The following CFAP47 variants were observed in gnomAD, a reference collection of about 807,000 sequenced individuals.
CFAP47 encodes the protein cilia- and flagella-associated protein 47.
CFAP47 carries 29 observed loss-of-function variants against 148.1 expected under a neutral mutation model. The ratio of observed to expected loss-of-function variants is 0.20; its 90% CI spans 0.15 to 0.27. The LOEUF (loss-of-function observed/expected upper bound fraction) is 0.27, where lower values mean the gene tolerates loss of function less well. Among genes scored for constraint, CFAP47 ranks in the 10% least tolerant of loss-of-function variants. The pLI, the probability that CFAP47 is intolerant of heterozygous loss-of-function variation, is 1.00. For missense variants in CFAP47, 1,872 were observed against 1,697.5 expected, an observed-to-expected ratio of 1.10 and a Z score of -1.81; for synonymous variants, 664 against 577.3, an observed-to-expected ratio of 1.15 and a Z score of -2.15.
intron 48 of CFAP47, among the ~76,000 whole-genome samples, chrX:36,239,523 C>A (rs4584314): frequency 0.21 from 23,840 of 111,369 alleles, 4,469 homozygotes; most frequent in African/African-American, 0.62. Flanking sequence ...AGTTTGCTAG[C>A]AGCATCCCAC....
At chrX:36,102,058 C>T (rs1479923675) in intron 32 of CFAP47, among the ~76,000 whole-genome samples, 1 of 111,232 alleles carries the variant, frequency 9.0e-6, no homozygotes. Context: ...GTGGGATAGC[C>T]CAGGACTATG....
At position 36,251,442 on chromosome X, in the gene CFAP47, A is replaced by C. The variant is rs201932266; in HGVS notation, c.7442A>C (p.Lys2481Thr). The change falls in exon 49 of 64, where the codon AAA (lysine) becomes ACA (threonine). Residue 2481 changes from lysine to threonine, a missense_variant and splice_region_variant. Coordinates refer to ENST00000378653, the MANE Select transcript of CFAP47 (RefSeq NM_001304548.2). ...HVRPWKRGIL[K>T]GTITFSTTRR... ...CGCCCTTGGAAACGTGGTATATTGA[A>C]AGGTATAAAATCCATTAATAAAATA... 4 of 495,095 alleles carry C rather than the reference A, an allele frequency of 8.1e-6. No individual in the cohort carries two copies. The African/African-American group carries it at 9.4e-5, about 12-fold the overall frequency. The allele number at this position is 495,095 out of a possible 1,213,427, so 40.8% of individuals were successfully genotyped here. A position where few individuals can be genotyped will look rare whatever the true frequency, so the allele number is the denominator to read the frequency against.
intron 37 of CFAP47, among the ~76,000 whole-genome samples, chrX:36,155,005 C>T (rs748423618): frequency 9.0e-5 from 10 of 111,032 alleles, no homozygotes; most frequent in Non-Finnish European, 1.9e-4. Context: ...TTATTTCTCA[C>T]AGTTCTAGAG....
intron 49 of CFAP47, among the ~76,000 whole-genome samples, chrX:36,275,093 T>C (rs1941000257): frequency 9.0e-6 from 1 of 111,518 alleles, no homozygotes; most frequent in African/African-American, 3.3e-5. Context: ...TTCTTTTTTT[T>C]CTTTCTTTTT....
chrX:36,371,067 C>T (rs1363904105), intron 62 of CFAP47, among the ~76,000 whole-genome samples: 1 of 111,338 alleles, frequency 9.0e-6, no homozygotes, highest in Non-Finnish European at 1.9e-5. Context: ...TAACAGAGTT[C>T]AAGGTATCAA....
intron 39 of CFAP47, among the ~76,000 whole-genome samples, chrX:36,175,842 C>T (rs188962598): frequency 0.05 from 5,635 of 112,683 alleles, 128 homozygotes; most frequent in Middle Eastern, 0.09. Context: ...TTCCAGCTTC[C>T]AGGCTGCTTT....
intron 3 of CFAP47, among the ~76,000 whole-genome samples, chrX:35,945,113 G>T (rs976876199): frequency 9.0e-6 from 1 of 111,505 alleles, no homozygotes; most frequent in African/African-American, 3.3e-5. Context: ...GAGGCCCTGG[G>T]TAAGGAATTT....
At chrX:36,257,206 G>T (rs138571735) in intron 49 of CFAP47, among the ~76,000 whole-genome samples, 2 of 111,212 alleles carry the variant, frequency 1.8e-5, no homozygotes, top group East Asian at 5.7e-4. Flanking sequence ...AAAAAGAGGG[G>T]GTAGAACTCA....
rs143759033 is a variant in CFAP47 at position 36,144,799 on chromosome X, T to C, written c.5536-420T>C. The C allele has an allele frequency of 1.2e-5, 12 of 1,024,377 alleles. No individual in the cohort carries two copies. In the African/African-American group the frequency reaches 2.1e-4, roughly 18 times the overall value. The allele number at this position is 1,024,377 out of a possible 1,213,427, so 84.4% of individuals were successfully genotyped here. A position where few individuals can be genotyped will look rare whatever the true frequency, so the allele number is the denominator to read the frequency against. ...ATGCATTTTTTTCTCCTTCTGCCCTTGGACATCTGATTCCAGGTTTTTCAG... is the reference window on the plus strand; with the variant it reads ...ATGCATTTTTTTCTCCTTCTGCCCTCGGACATCTGATTCCAGGTTTTTCAG... On this transcript the variant is annotated intron_variant, in intron 35 of 63. Transcript: ENST00000378653.
Position 36,144,716 on chromosome X carries a change from TTTTG to T in CFAP47, c.5536-492_5536-489del, listed in dbSNP as rs757889467. ...AGGGGGATATTCAGTTTGCTTGTTT[TTTTG>T]TTTGTTTGTTCTTTTTTATTTTTGT... On this transcript the variant is annotated intron_variant, in intron 35 of 63. Transcript: ENST00000378653. 6.8e-6 allele frequency: 7 copies of T among 1,023,078 alleles called. No individual in the cohort carries two copies. The South Asian group carries it at 7.4e-5, about 11-fold the overall frequency. 84.3% of individuals were successfully genotyped at this position (1,023,078 alleles called of 1,213,427 possible).
At chrX:36,222,217 G>A (rs1473761657) in intron 45 of CFAP47, among the ~76,000 whole-genome samples, 2 of 111,692 alleles carry the variant, frequency 1.8e-5, no homozygotes, top group Non-Finnish European at 3.8e-5. Flanking sequence ...GGTTGGTCCG[G>A]CAGAAAGGAT....
At chrX:36,257,931 G>A (rs1406355782) in intron 49 of CFAP47, among the ~76,000 whole-genome samples, 2 of 112,134 alleles carry the variant, frequency 1.8e-5, no homozygotes, top group Non-Finnish European at 3.8e-5. Flanking sequence ...TCATGCTATA[G>A]TAGTGTGAAA....
chrX:36,244,073 T>C (rs1940584530), intron 48 of CFAP47, among the ~76,000 whole-genome samples: 1 of 111,073 alleles, frequency 9.0e-6, no homozygotes, highest in African/African-American at 3.3e-5. Context: ...AAAATTAATA[T>C]CAAGAAGATT....
chrX:36,231,147 A>G (rs142702251), intron 46 of CFAP47, among the ~76,000 whole-genome samples: 23,939 of 109,111 alleles, frequency 0.22, 2,969 homozygotes, highest in African/African-American at 0.43. Flanking sequence ...AATTCTGTGA[A>G]GAAAGGCATT....
chrX:35,995,848 A>G lies in CFAP47; in HGVS notation c.3100-1464A>G, dbSNP rs140535159. Among the ~76,000 whole-genome samples the G allele has an allele frequency of 2.6e-3, 294 of 111,379 alleles. 1 individual carries two copies. The highest frequency in any genetic ancestry group is 8.8e-3 in the African/African-American group (269 of 30,701). ...GATAAAAGTTGAAAGAAATTGAATAAAGGAAAATATAGAGGAGAAAGGTGA... is the reference window on the plus strand; with the variant it reads ...GATAAAAGTTGAAAGAAATTGAATAGAGGAAAATATAGAGGAGAAAGGTGA... On this transcript the variant is annotated intron_variant, in intron 18 of 63. Coordinates refer to ENST00000378653, the MANE Select transcript of CFAP47 (RefSeq NM_001304548.2).
chrX:35,974,536 G>A, intron 13 of CFAP47, among the ~76,000 whole-genome samples: 1 of 110,643 alleles, frequency 9.0e-6, no homozygotes, highest in East Asian at 2.8e-4. Context: ...AATGTAAAGG[G>A]GCACAAAATT....
At chrX:36,292,256 G>A (rs1941200543) in intron 51 of CFAP47, among the ~76,000 whole-genome samples, 1 of 111,446 alleles carries the variant, frequency 9.0e-6, no homozygotes, top group South Asian at 3.7e-4. Flanking sequence ...GATGGAAATA[G>A]CAAAGGAATG....
chrX:36,333,871 C>A (rs1442749821), intron 57 of CFAP47, among the ~76,000 whole-genome samples: 1 of 111,484 alleles, frequency 9.0e-6, no homozygotes, highest in African/African-American at 3.3e-5. Flanking sequence ...TCCATAGGTA[C>A]AATAAATCTG....
intron 40 of CFAP47, among the ~76,000 whole-genome samples, chrX:36,186,857 T>C (rs1939812523): frequency 9.3e-6 from 1 of 107,154 alleles, no homozygotes; most frequent in Non-Finnish European, 1.9e-5. Context: ...TGTTCTACAG[T>C]ATTTTTTTTT....
Sources: gnomAD v4.1 joint callset for allele counts (sites outside exome capture counted in the v4.1 genomes callset) on GRCh38, gnomAD v4.1.1 for gene constraint, MANE v1.5 for transcripts, NCBI Gene and HGNC (gene_info 2026-07-23, HGNC 2026-07-21) for gene names.